The following ETV6 variants were observed in gnomAD, a reference collection of about 807,000 sequenced individuals.
ETV6 encodes the protein transcription factor ETV6.
ETV6 carries 16 observed loss-of-function variants against 51.1 expected under a neutral mutation model. The ratio of observed to expected loss-of-function variants is 0.31; its 90% confidence interval spans 0.21 to 0.48. The LOEUF (loss-of-function observed/expected upper bound fraction) is 0.48, where lower values mean the gene tolerates loss of function less well. Among genes scored for constraint, ETV6 ranks in the 20% least tolerant of loss-of-function variants. ETV6 has a pLI of 0.99. For synonymous variants in ETV6, 240 were observed against 224.1 expected (o/e 1.07, Z -0.64); for missense variants, 458 against 594.8 (o/e 0.77, Z 2.39).
chr12:11,869,243 A>G lies in ETV6; in HGVS notation c.464-181A>G, dbSNP rs2136538664. ...AGAGTGAGACTCCATCTCAAACAGAAAAAAAAAAAAAATATGCACCCTTCA... is the reference window on the plus strand; with the variant it reads ...AGAGTGAGACTCCATCTCAAACAGAGAAAAAAAAAAAATATGCACCCTTCA... On this transcript the variant is annotated intron_variant, in intron 4 of 7. Coordinates refer to ENST00000396373, the MANE Select transcript of ETV6 (RefSeq NM_001987.5). The surrounding 1 kb of genome is among the most constrained non-coding windows in gnomAD (Gnocchi z 5.0). Among the ~76,000 whole-genome samples the G allele has an allele frequency of 7.7e-6, 1 of 130,244 alleles. No homozygotes were observed. Among genetic ancestry groups the G allele is most frequent in the East Asian group, 2.0e-4 (1 of 5,006 alleles). 85.4% of individuals were successfully genotyped at this position (130,244 alleles called of 152,430 possible). A position where few individuals can be genotyped will look rare whatever the true frequency, so the allele number is the denominator to read the frequency against.
chr12:11,872,738 T>G (rs1946901710), intron 5 of ETV6, among the ~76,000 whole-genome samples: 1 of 152,160 alleles, frequency 6.6e-6, no homozygotes. Flanking sequence ...TCAAGTGATC[T>G]GCCTGCCTTG....
At chr12:11,834,301 C>T (rs1946284285) in intron 2 of ETV6, among the ~76,000 whole-genome samples, 1 of 152,192 alleles carries the variant, frequency 6.6e-6, no homozygotes, top group South Asian at 2.1e-4. Context: ...AGTCTCTTAA[C>T]TTCCAGGCTT....
In ETV6 at chr12:11,685,614, G is replaced by A. The variant is rs537933634; in HGVS notation, c.33+35454G>A. Among the ~76,000 whole-genome samples, 178 of 152,246 alleles carry A rather than the reference G, an allele frequency of 1.2e-3. 1 individual carries two copies. The highest frequency in any genetic ancestry group is 4.0e-3 in the African/African-American group (167 of 41,532). ...CAGCAATACACACACACGTGTGTGT[G>A]TATTTTCATGTACATATGAATGTGT... is the stretch of plus-strand genomic sequence containing the variant. On this transcript the variant is annotated intron_variant, in intron 1 of 7. Transcript: ENST00000396373.
chr12:11,803,924 C>CATG (rs1406051803), intron 2 of ETV6, among the ~76,000 whole-genome samples: 20 of 152,128 alleles, frequency 1.3e-4, no homozygotes, highest in Non-Finnish European at 2.8e-4. Context: ...TTAGTATCAT[C>CATG]ATCATCATCA....
At chr12:11,840,366 T>G in intron 3 of ETV6, 1 of 454,038 alleles carries the variant, frequency 2.2e-6, no homozygotes, top group Admixed American at 2.4e-5. Flanking sequence ...GGGAACTACA[T>G]ATGTCAAAGG....
At chr12:11,822,804 C>T (rs1262651566) in intron 2 of ETV6, among the ~76,000 whole-genome samples, 11 of 152,186 alleles carry the variant, frequency 7.2e-5, no homozygotes, top group Non-Finnish European at 1.6e-4. Context: ...CCAGAAAGGA[C>T]AGCCATTGCT....
chr12:11,794,924 TTAA>T (rs1945654728), intron 2 of ETV6, among the ~76,000 whole-genome samples: 1 of 152,236 alleles, frequency 6.6e-6, no homozygotes, highest in Non-Finnish European at 1.5e-5. Context: ...CCCACAAAAC[TTAA>T]TAATTCATCT....
At chr12:11,809,492 A>G (rs1288729729) in intron 2 of ETV6, among the ~76,000 whole-genome samples, 2 of 152,206 alleles carry the variant, frequency 1.3e-5, no homozygotes, top group East Asian at 3.8e-4. Context: ...ATCATTTGCA[A>G]AACATTAATG....
chr12:11,652,846 C>G (rs114514542), intron 1 of ETV6, among the ~76,000 whole-genome samples: 1 of 152,098 alleles, frequency 6.6e-6, no homozygotes, highest in South Asian at 2.1e-4. Context: ...GGTGGTCGCT[C>G]GCAATGAATG....
intron 4 of ETV6, among the ~76,000 whole-genome samples, chr12:11,857,781 A>G (rs1946653170): frequency 6.6e-6 from 1 of 152,212 alleles, no homozygotes; most frequent in South Asian, 2.1e-4. Flanking sequence ...AGAACAGATC[A>G]TAAGGGCTAA....
chr12:11,776,243 C>T (rs149461436), intron 2 of ETV6, among the ~76,000 whole-genome samples: 3 of 152,226 alleles, frequency 2.0e-5, no homozygotes, highest in East Asian at 1.9e-4. Context: ...TGCTAAAGCC[C>T]GTCACAGCAG....
At chr12:11,707,608 G>T (rs1865096838) in intron 1 of ETV6, among the ~76,000 whole-genome samples, 1 of 152,318 alleles carries the variant, frequency 6.6e-6, no homozygotes, top group African/African-American at 2.4e-5. Flanking sequence ...TTAGTGTATG[G>T]AAAGAATGAT....
At chr12:11,824,423 A>G (rs1411830182) in intron 2 of ETV6, among the ~76,000 whole-genome samples, 1 of 152,238 alleles carries the variant, frequency 6.6e-6, no homozygotes, top group Admixed American at 6.5e-5. Flanking sequence ...CTAACCAGCC[A>G]CGCTGATGGC....
intron 2 of ETV6, among the ~76,000 whole-genome samples, chr12:11,757,975 T>C (rs1000478215): frequency 6.6e-6 from 1 of 152,162 alleles, no homozygotes; most frequent in Non-Finnish European, 1.5e-5. Flanking sequence ...AATTTCTCCC[T>C]ACAACCAGAA....
intron 1 of ETV6, among the ~76,000 whole-genome samples, chr12:11,752,227 T>C (rs1053930271): frequency 1.3e-5 from 2 of 152,278 alleles, no homozygotes; most frequent in South Asian, 2.1e-4. Context: ...AAAGGCTGTT[T>C]TCAACGATGG....
At chr12:11,817,816 A>G (rs1367946666) in intron 2 of ETV6, among the ~76,000 whole-genome samples, 1 of 152,180 alleles carries the variant, frequency 6.6e-6, no homozygotes, top group Non-Finnish European at 1.5e-5. Flanking sequence ...GAAAAAAGAC[A>G]TATGCACTCA....
Position 11,750,553 on chromosome 12 carries a change from C to T in ETV6, c.34-1897C>T, listed in dbSNP as rs563128342. On this transcript the variant is annotated intron_variant, in intron 1 of 7. Coordinates refer to ENST00000396373, the MANE Select transcript of ETV6 (RefSeq NM_001987.5). ...ACCATTTGAAGACCCTTTGGCTGCC[C>T]GATGTTTTCTTCACCAAGTTTCACT... is the stretch of plus-strand genomic sequence containing the variant. 8.0e-4 allele frequency among the ~76,000 whole-genome samples: 122 copies of T among 152,174 alleles called. 1 individual carries two copies. The highest frequency in any genetic ancestry group is 2.9e-3 in the African/African-American group (119 of 41,518).
chr12:11,701,172 G>A (rs1864973495), intron 1 of ETV6, among the ~76,000 whole-genome samples: 1 of 151,298 alleles, frequency 6.6e-6, no homozygotes, highest in Non-Finnish European at 1.5e-5. Flanking sequence ...ACCATTTTAA[G>A]TATACAATTC....
chr12:11,892,939 G>C lies in ETV6; in HGVS notation c.*1893G>C, dbSNP rs142637277. On this transcript the variant is annotated 3_prime_UTR_variant, in exon 8 of 8. Transcript: ENST00000396373. ...TGTCCCTGCCTCTTATCAGAGCACA[G>C]GTAGACACACGGGCATAGCCAGCCC... 2.2e-3 allele frequency: 522 copies of C among 233,130 alleles called. 3 individuals carry two copies. The highest frequency in any genetic ancestry group is 0.01 in the African/African-American group (472 of 45,460). 14.4% of individuals were successfully genotyped at this position (233,130 alleles called of 1,614,324 possible).
Sources: allele counts gnomAD v4.1 joint callset (sites outside exome capture counted in the v4.1 genomes callset), GRCh38; gene constraint gnomAD v4.1.1; non-coding constraint Gnocchi (gnomAD v3.1); transcripts MANE v1.5; gene names NCBI Gene and HGNC (gene_info 2026-07-23, HGNC 2026-07-21).